TRPM1: variants seen among roughly 807,000 people sequenced by gnomAD.
TRPM1 encodes the protein transient receptor potential cation channel subfamily M member 1.
A neutral mutation model predicts 149.4 loss-of-function variants in TRPM1; 113 were observed. The observed-to-expected ratio is 0.76, with a 90% CI of 0.65 to 0.88. The LOEUF (loss-of-function observed/expected upper bound fraction) is 0.88, where lower values mean the gene tolerates loss of function less well. Ranked by LOEUF, TRPM1 falls within the 40% of genes least tolerant of loss-of-function variation. The pLI is 0.00. For synonymous variants in TRPM1, 741 were observed against 759.5 expected, an observed-to-expected ratio of 0.98 and a Z score of 0.40; for missense variants, 1,976 against 2,038.7, an observed-to-expected ratio of 0.97 and a Z score of 0.59.
intron 1 of TRPM1, among the ~76,000 whole-genome samples, chr15:31,088,655 C>G (rs559131056): frequency 6.6e-6 from 1 of 152,230 alleles, no homozygotes; most frequent in African/African-American, 2.4e-5. Flanking sequence ...ATGCCACACT[C>G]ACGGACTAGG....
chr15:31,125,722 T>C (rs2035940501), intron 1 of TRPM1, among the ~76,000 whole-genome samples: 1 of 63,952 alleles, frequency 1.6e-5, no homozygotes, highest in Non-Finnish European at 2.6e-5. Context: ...AGAGCGAGAC[T>C]CCGTCTCAAA....
chr15:31,015,146 G>A (rs533849057), intron 27 of TRPM1, among the ~76,000 whole-genome samples: 5 of 58,598 alleles, frequency 8.5e-5, no homozygotes, highest in African/African-American at 2.9e-4. Flanking sequence ...GGTGGCTCAC[G>A]CCTGTAATCC....
At chr15:31,017,649 G>A (rs968219807) in intron 27 of TRPM1, among the ~76,000 whole-genome samples, 1 of 152,210 alleles carries the variant, frequency 6.6e-6, no homozygotes, top group Non-Finnish European at 1.5e-5. Flanking sequence ...GGACATGGCT[G>A]TGTGAATATC....
intron 12 of TRPM1, 128 bp downstream of exon 12, chr15:31,050,281 C>A (rs2033909322): frequency 1.5e-6 from 2 of 1,332,678 alleles, no homozygotes; most frequent in Non-Finnish European, 2.1e-6. Flanking sequence ...CTGACACTAC[C>A]CAGTCAAGCC....
chr15:31,017,329 A>G (rs569984647), intron 27 of TRPM1, among the ~76,000 whole-genome samples: 3 of 152,260 alleles, frequency 2.0e-5, no homozygotes, highest in South Asian at 4.1e-4. Flanking sequence ...AATAAAATAG[A>G]GTAAAAGATT....
intron 1 of TRPM1, among the ~76,000 whole-genome samples, chr15:31,142,455 G>A (rs981985547): frequency 2.6e-5 from 4 of 152,138 alleles, no homozygotes; most frequent in Admixed American, 2.0e-4. Context: ...CAATGATTCT[G>A]TTTAATCAAA....
At chr15:31,088,856 T>G (rs111348554) in intron 1 of TRPM1, among the ~76,000 whole-genome samples, 2 of 103,714 alleles carry the variant, frequency 1.9e-5, no homozygotes, top group Non-Finnish European at 4.0e-5. Flanking sequence ...TAAGCCCTGC[T>G]GCGGGTATTG....
chr15:31,147,849 G>C (rs2036242206), intron 1 of TRPM1, among the ~76,000 whole-genome samples: 2 of 152,300 alleles, frequency 1.3e-5, no homozygotes, highest in African/African-American at 2.4e-5. Flanking sequence ...AAGGGGGCCA[G>C]GGGTCCAGGT....
rs142112315 is a variant in TRPM1, at chr15:31,003,270, G to A, written c.3630-200C>T. Among the ~76,000 whole-genome samples, 3,324 of 152,298 alleles carry A rather than the reference G, an allele frequency of 0.022. 67 individuals are homozygous for A. The highest frequency in any genetic ancestry group is 0.11 in the South Asian group (544 of 4,820). Reference sequence around the variant, plus strand: ...CACCAGAAAATAATGGAAATAAATAGTTAATGCATATAGTACTTACTGCTC... The same window carrying A: ...CACCAGAAAATAATGGAAATAAATAATTAATGCATATAGTACTTACTGCTC... On this transcript the variant is annotated intron_variant, in intron 27 of 27. Transcript: ENST00000256552.
rs768382174 is a variant in TRPM1, at chr15:31,002,892, G to C, written c.3808C>G (p.Arg1270Gly). ...GTTGCCTCACATTCAGAAGAAGCCC[G>C]GGACCGTGCCTGGATCAGGTCAGAC... ...DRSDLIQARS[R>G]ASSECEATYL... The change falls in exon 28 of 28, where the codon CGG becomes GGG. Residue 1270 changes from arginine to glycine, a missense_variant. By Grantham distance (125) the Arg-to-Gly change is moderately radical. Coordinates refer to ENST00000256552, the MANE Select transcript of TRPM1 (RefSeq NM_001252024.2). 3 of 1,613,990 alleles carry C rather than the reference G, an allele frequency of 1.9e-6. No homozygotes were observed. Among genetic ancestry groups the C allele is most frequent in the East Asian group, 2.2e-5 (1 of 44,884 alleles).
intron 11 of TRPM1, among the ~76,000 whole-genome samples, chr15:31,056,064 G>A (rs976046282): frequency 2.0e-5 from 3 of 152,194 alleles, no homozygotes; most frequent in Admixed American, 6.5e-5. Context: ...TAAAAAGCAT[G>A]AGTGCCTAAA....
At chr15:31,058,174 A>G (rs2034133850) in intron 11 of TRPM1, among the ~76,000 whole-genome samples, 2 of 112,316 alleles carry the variant, frequency 1.8e-5, no homozygotes, top group Non-Finnish European at 3.8e-5. Context: ...TAAAGATACA[A>G]TAAAAATACT....
chr15:31,023,039 G>A (rs2032601560), intron 27 of TRPM1, among the ~76,000 whole-genome samples: 1 of 152,112 alleles, frequency 6.6e-6, no homozygotes, highest in Non-Finnish European at 1.5e-5. Context: ...AACAAAAACA[G>A]AAACAAAAGT....
At position 31,063,121 on chromosome 15, in the gene TRPM1, C is replaced by T. The variant is rs757595570; in HGVS notation, c.962G>A (p.Gly321Asp). The T allele has an allele frequency of 6.2e-7, 1 of 1,614,230 alleles. No individual in the cohort carries two copies. The highest frequency in any genetic ancestry group is 8.5e-7 in the Non-Finnish European group (1 of 1,180,050). Residue 321 changes from glycine to aspartate, a missense_variant, in exon 8 of 28, where the codon GGC becomes GAC. Physicochemically the swap from Gly to Asp is moderately conservative, Grantham distance 94. Around this residue, in one of 3 missense-constraint regions of TRPM1, gnomAD observed 1,332 missense variants for 1,347.1 expected, o/e 0.99. Transcript: ENST00000256552. ...LSFAHKYCEE[G>D]GIINESLREQ... The stretch of plus-strand genomic sequence containing the variant: ...CCTCGCGCGTCAGAAATCCTACCCG[C>T]CTTCTTCACAGTACTTGTGCGCAAA...
At chr15:31,130,944 A>C (rs2036008763) in intron 1 of TRPM1, among the ~76,000 whole-genome samples, 1 of 152,170 alleles carries the variant, frequency 6.6e-6, no homozygotes, top group Non-Finnish European at 1.5e-5. Context: ...CCCTGTCTTG[A>C]TAAATTGGCT....
intron 17 of TRPM1, 58 bp downstream of exon 17, chr15:31,041,893 A>C (rs2033627324): frequency 6.3e-7 from 1 of 1,596,430 alleles, no homozygotes; most frequent in African/African-American, 1.3e-5. Context: ...CTCCCTGCAG[A>C]GACAAGTACT....
intron 1 of TRPM1, among the ~76,000 whole-genome samples, chr15:31,092,159 G>T (rs1415546087): frequency 6.6e-6 from 1 of 152,190 alleles, no homozygotes; most frequent in Non-Finnish European, 1.5e-5. Flanking sequence ...AGGATGAGAG[G>T]ATTGGTCCAG....
intron 3 of TRPM1, among the ~76,000 whole-genome samples, chr15:31,074,949 G>A (rs2034651488): frequency 6.6e-6 from 1 of 152,098 alleles, no homozygotes; most frequent in South Asian, 2.1e-4. Context: ...ATCTGGTAGT[G>A]TATTAATTTT....
At chr15:31,079,360 G>C (rs2034796236) in intron 2 of TRPM1, among the ~76,000 whole-genome samples, 3 of 152,302 alleles carry the variant, frequency 2.0e-5, no homozygotes, top group Admixed American at 1.3e-4. Context: ...GCTATGGGTG[G>C]GGGCTGTGGT....
Sources: allele counts gnomAD v4.1 joint callset (sites outside exome capture counted in the v4.1 genomes callset), GRCh38; gene constraint gnomAD v4.1.1; regional missense constraint gnomAD v4.1.1; transcripts MANE v1.5; gene names NCBI Gene and HGNC (gene_info 2026-07-23, HGNC 2026-07-21).